VPS54: variants seen among roughly 807,000 people sequenced by gnomAD.
VPS54 encodes the protein VPS54 subunit of GARP complex.
VPS54 carries 45 observed loss-of-function variants against 121.5 expected under a neutral mutation model. The observed-to-expected ratio is 0.37, with a 90% CI of 0.29 to 0.47. The LOEUF is 0.47. Ranked by LOEUF, VPS54 falls within the 20% of genes least tolerant of loss-of-function variation. The pLI is 0.99. For synonymous variants in VPS54, 371 were observed against 385.8 expected, an observed-to-expected ratio of 0.96 and a Z score of 0.45; for missense variants, 1,090 against 1,131.4, an observed-to-expected ratio of 0.96 and a Z score of 0.52.
chr2:63,961,380 G>A (rs939113433), intron 7 of VPS54, among the ~76,000 whole-genome samples: 1 of 152,136 alleles, frequency 6.6e-6, no homozygotes, highest in Non-Finnish European at 1.5e-5. Context: ...TTAAGTTACA[G>A]AGCACATCTT....
intron 12 of VPS54, among the ~76,000 whole-genome samples, chr2:63,924,991 T>C (rs1221436077): frequency 1.3e-5 from 2 of 152,130 alleles, no homozygotes; most frequent in African/African-American, 4.8e-5. Context: ...CTTCAAGTCT[T>C]TAAGGTAGAG....
chr2:63,925,487 T>C (rs892190850), intron 12 of VPS54, among the ~76,000 whole-genome samples: 2 of 152,242 alleles, frequency 1.3e-5, no homozygotes, highest in South Asian at 2.1e-4. Context: ...AAATTGACCA[T>C]TCACATACTT....
intron 22 of VPS54, among the ~76,000 whole-genome samples, chr2:63,895,275 G>A (rs11693906): frequency 0.15 from 22,829 of 152,144 alleles, 1,975 homozygotes; most frequent in Middle Eastern, 0.22. Flanking sequence ...GGCCAACATG[G>A]TAAAACCGTC....
At chr2:63,972,319 A>T (rs544945398) in intron 3 of VPS54, 75 bp from the exon 4 acceptor site, 1 of 1,051,754 alleles carries the variant, frequency 9.5e-7, no homozygotes, top group East Asian at 2.5e-5. Context: ...GTTTTGCAAC[A>T]GAATATCAGA....
chr2:63,989,408 C>T (rs1677208501), intron 1 of VPS54, among the ~76,000 whole-genome samples: 1 of 152,188 alleles, frequency 6.6e-6, no homozygotes, highest in Admixed American at 6.5e-5. Flanking sequence ...AACCTGCTGA[C>T]ATGTGATGTC....
chr2:64,015,624 T>C (rs1378369638), intron 1 of VPS54, among the ~76,000 whole-genome samples: 2 of 152,176 alleles, frequency 1.3e-5, no homozygotes, highest in Non-Finnish European at 2.9e-5. Flanking sequence ...ACCAAAAATG[T>C]CTCTAGACAC....
At chr2:63,947,248 T>C in intron 9 of VPS54, 135 bp downstream of exon 9, 2 of 840,868 alleles carry the variant, frequency 2.4e-6, no homozygotes, top group Non-Finnish European at 3.3e-6. Flanking sequence ...TTTACTTTCA[T>C]TTTTCTAAAT....
chr2:63,989,736 A>C (rs1278157957), intron 1 of VPS54, among the ~76,000 whole-genome samples: 3 of 152,204 alleles, frequency 2.0e-5, no homozygotes, highest in Non-Finnish European at 2.9e-5. Context: ...AATTATGCTT[A>C]TCTCTTCTAT....
chr2:63,974,761 T>G (rs1392305390), intron 3 of VPS54, among the ~76,000 whole-genome samples: 1 of 152,210 alleles, frequency 6.6e-6, no homozygotes, highest in African/African-American at 2.4e-5. Flanking sequence ...AGAAAGTAAT[T>G]AACTTTTATA....
At chr2:63,932,577 GC>G (rs1156389500) in intron 12 of VPS54, among the ~76,000 whole-genome samples, 1 of 151,356 alleles carries the variant, frequency 6.6e-6, no homozygotes, top group African/African-American at 2.4e-5. Context: ...GATGGGTGCA[GC>G]AAACCACCAT....
At chr2:63,961,482 A>C (rs1017815226) in intron 7 of VPS54, among the ~76,000 whole-genome samples, 24 of 151,638 alleles carry the variant, frequency 1.6e-4, no homozygotes, top group Non-Finnish European at 4.4e-5. Flanking sequence ...AGCCTGCTTA[A>C]TGGAACGAAA....
At chr2:63,902,645 G>C (rs1672729894) in intron 20 of VPS54, among the ~76,000 whole-genome samples, 1 of 152,138 alleles carries the variant, frequency 6.6e-6, no homozygotes, top group Non-Finnish European at 1.5e-5. Context: ...AGAGAATCCA[G>C]ATGTTGAAAC....
intron 1 of VPS54, among the ~76,000 whole-genome samples, chr2:63,989,627 C>T (rs1201924558): frequency 6.6e-6 from 1 of 152,196 alleles, no homozygotes; most frequent in East Asian, 1.9e-4. Context: ...GGAGAAATGT[C>T]ATCGGTTCGG....
At chr2:63,971,627 A>G (rs576466641) in intron 4 of VPS54, among the ~76,000 whole-genome samples, 1 of 152,336 alleles carries the variant, frequency 6.6e-6, no homozygotes, top group Non-Finnish European at 1.5e-5. Context: ...AATCACTGTC[A>G]ACTCTAGGAA....
At chr2:63,916,824 T>C in intron 16 of VPS54, 76 bp downstream of exon 16, 1 of 1,438,000 alleles carries the variant, frequency 7.0e-7, no homozygotes, top group Non-Finnish European at 9.7e-7. Flanking sequence ...AAATTTCCAA[T>C]TCACTTCAAG....
At chr2:63,936,427 CA>C (rs1247761109) in intron 11 of VPS54, among the ~76,000 whole-genome samples, 1 of 152,136 alleles carries the variant, frequency 6.6e-6, no homozygotes, top group Non-Finnish European at 1.5e-5. Flanking sequence ...GTTCATGTTT[CA>C]AAAACACCAG....
At chr2:63,925,882 G>A (rs1208779422) in intron 12 of VPS54, among the ~76,000 whole-genome samples, 2 of 152,172 alleles carry the variant, frequency 1.3e-5, no homozygotes, top group South Asian at 4.1e-4. Context: ...AGTTCTTGAG[G>A]GGGGTGACAA....
intron 11 of VPS54, among the ~76,000 whole-genome samples, chr2:63,937,074 G>C (rs559294464): frequency 2.0e-5 from 3 of 152,168 alleles, no homozygotes; most frequent in Non-Finnish European, 2.9e-5. Context: ...AAAAGCTTCA[G>C]GACACTGGAT....
chr2:63,930,700 A>G (rs1479235978), intron 12 of VPS54, among the ~76,000 whole-genome samples: 3 of 152,208 alleles, frequency 2.0e-5, no homozygotes, highest in Non-Finnish European at 2.9e-5. Flanking sequence ...AGGGTATTCA[A>G]TGTGGAAAAG....
Sources: allele counts gnomAD v4.1 joint callset (sites outside exome capture counted in the v4.1 genomes callset), GRCh38; gene constraint gnomAD v4.1.1; transcripts MANE v1.5; gene names NCBI Gene and HGNC (gene_info 2026-07-23, HGNC 2026-07-21).